The following TNMD variants were observed in gnomAD, a reference collection of about 807,000 sequenced individuals.
TNMD encodes the protein tenomodulin, also known as BRICHOS domain containing 4.
A neutral mutation model predicts 26.9 loss-of-function variants in TNMD; 15 were observed. The observed-to-expected ratio is 0.56, with a 90% CI of 0.37 to 0.86. The LOEUF (loss-of-function observed/expected upper bound fraction) is 0.86. Ranked by LOEUF, TNMD falls within the 40% of genes least tolerant of loss-of-function variation. The probability of loss-of-function intolerance (pLI) is 0.00; values close to 1 mark genes in which losing one functional copy is unlikely to be tolerated. For missense variants in TNMD, 222 were observed against 242.6 expected (o/e 0.92, Z 0.56); for synonymous variants, 73 against 77.0 (o/e 0.95, Z 0.27).
chrX:100,587,271 A>T (rs2082924764), intron 2 of TNMD, among the ~76,000 whole-genome samples: 1 of 112,179 alleles, frequency 8.9e-6, no homozygotes, highest in South Asian at 3.7e-4. Context: ...TTTACATCTC[A>T]TTCTAGTTCT....
At chrX:100,599,245 A>G (rs1240837792) in intron 6 of TNMD, 63 bp downstream of exon 6, 2 of 929,283 alleles carry the variant, frequency 2.2e-6, no homozygotes, top group African/African-American at 4.1e-5. Flanking sequence ...AAAACTTACT[A>G]CCCCTCAGAT....
chrX:100,591,470 C>T (rs1270243559), intron 2 of TNMD, among the ~76,000 whole-genome samples: 1 of 112,043 alleles, frequency 8.9e-6, no homozygotes, highest in Admixed American at 9.4e-5. Context: ...GCCAGTGAAG[C>T]TTGCATAGCC....
At chrX:100,587,363 G>A (rs1320714804) in intron 2 of TNMD, among the ~76,000 whole-genome samples, 1 of 112,194 alleles carries the variant, frequency 8.9e-6, no homozygotes, top group East Asian at 2.8e-4. Context: ...GAAGAGGTGG[G>A]ATATGCTGCT....
At chrX:100,585,176 G>A in intron 1 of TNMD, 55 bp from the exon 2 acceptor site, 1 of 1,189,187 alleles carries the variant, frequency 8.4e-7, no homozygotes, top group Non-Finnish European at 1.1e-6. Context: ...TTGAATTATG[G>A]CTTGCTTATT....
rs1165547784 is a variant in TNMD, at chrX:100,585,214, C to T, written c.49-17C>T. On this transcript the variant is annotated splice_polypyrimidine_tract_variant and intron_variant, in intron 1 of 6. Coordinates refer to ENST00000373031, the MANE Select transcript of TNMD (RefSeq NM_022144.3). The stretch of plus-strand genomic sequence containing the variant: ...GATTTATTGTGTATTGTTTTATTCT[C>T]TCTGTTCTTTGGTTAGGCAGAAGCT... 7.5e-6 allele frequency: 9 copies of T among 1,206,126 alleles called. No individual in the cohort carries two copies. The highest frequency in any genetic ancestry group is 7.8e-6 in the Non-Finnish European group (7 of 892,114).
At chrX:100,597,443 G>T (rs1484799545) in intron 4 of TNMD, 61 bp from the exon 5 acceptor site, 5 of 1,141,553 alleles carry the variant, frequency 4.4e-6, no homozygotes, top group Non-Finnish European at 4.8e-6. Context: ...ATCCCATAAT[G>T]TCTCACTTGT....
intron 5 of TNMD, 111 bp downstream of exon 5, chrX:100,597,768 T>C: frequency 1.2e-6 from 1 of 827,341 alleles, no homozygotes; most frequent in Middle Eastern, 4.2e-4. Context: ...GGTTTATATC[T>C]TCTTGGATGA....
Position 100,597,587 on chromosome X carries a change from T to C in TNMD, c.507T>C (p.Leu169=). 1 of 1,211,177 alleles carries C rather than the reference T, an allele frequency of 8.3e-7. No individual in the cohort carries two copies. Among genetic ancestry groups the C allele is most frequent in the Non-Finnish European group, 1.1e-6 (1 of 894,866 alleles). ...AEKPIENRDF[L]KNSKILEICD... ...AGCCTATTGAAAACCGAGATTTTCT[T>C]AAAAATTCCAAAATTCTGGAGATTT... Residue 169 remains leucine (L), a synonymous_variant, in exon 5 of 7, where the codon CTT becomes CTC. Transcript: ENST00000373031.
intron 2 of TNMD, among the ~76,000 whole-genome samples, chrX:100,589,697 C>T (rs56978446): frequency 0.014 from 1,544 of 111,433 alleles, 19 homozygotes; most frequent in African/African-American, 0.048. Context: ...TGGCAGTAGG[C>T]GTAGTCCAGT....
At chrX:100,595,309 G>C (rs1253938049) in intron 4 of TNMD, among the ~76,000 whole-genome samples, 1 of 110,511 alleles carries the variant, frequency 9.0e-6, no homozygotes, top group Non-Finnish European at 1.9e-5. Context: ...TAGTAGAGAC[G>C]GGGTTTCACC....
At chrX:100,599,291 CA>C (rs58182382) in intron 6 of TNMD, 109 bp downstream of exon 6, 38,841 of 546,625 alleles carry the variant, frequency 0.071, 21 homozygotes, top group Non-Finnish European at 0.075. Flanking sequence ...ATGGCTTTAA[CA>C]AAAAAAAAAA....
intron 2 of TNMD, chrX:100,593,677 G>C (rs956194553): frequency 5.7e-5 from 19 of 331,684 alleles, no homozygotes; most frequent in Non-Finnish European, 9.1e-5. Flanking sequence ...TTAACACAAG[G>C]GGAAAATACT....
At chrX:100,589,362 C>CAA (rs60496840) in intron 2 of TNMD, among the ~76,000 whole-genome samples, 23 of 60,917 alleles carry the variant, frequency 3.8e-4, no homozygotes, top group Admixed American at 6.0e-4. Context: ...TTGGCATTTT[C>CAA]AAAAAAAAAA....
At chrX:100,592,342 C>G (rs1052387228) in intron 2 of TNMD, among the ~76,000 whole-genome samples, 2 of 112,136 alleles carry the variant, frequency 1.8e-5, no homozygotes, top group African/African-American at 6.5e-5. Flanking sequence ...AATAACAAAC[C>G]TAAAGGAATT....
chrX:100,588,845 T>A (rs895672154), intron 2 of TNMD, among the ~76,000 whole-genome samples: 2 of 111,691 alleles, frequency 1.8e-5, no homozygotes, highest in Non-Finnish European at 3.8e-5. Context: ...ACATAGGAGC[T>A]GCCTGGTGAC....
At chrX:100,590,251 G>A (rs12057127) in intron 2 of TNMD, among the ~76,000 whole-genome samples, 1 of 111,631 alleles carries the variant, frequency 9.0e-6, no homozygotes, top group African/African-American at 3.3e-5. Context: ...CACCTTTGGA[G>A]AGTGTACCTC....
chrX:100,591,457 C>T (rs996372883), intron 2 of TNMD, among the ~76,000 whole-genome samples: 10 of 112,026 alleles, frequency 8.9e-5, no homozygotes, highest in East Asian at 2.8e-4. Flanking sequence ...AGTCTTCATA[C>T]GGGCCAGTGA....
Position 100,599,739 on chromosome X carries a change from C to T in TNMD, c.*22C>T. ...CTAATAGGAGGTTTGAGCTCAAATGCTTAAACTGCTGGCAACATATAATAA... is the reference window on the plus strand; with the variant it reads ...CTAATAGGAGGTTTGAGCTCAAATGTTTAAACTGCTGGCAACATATAATAA... On this transcript the variant is annotated 3_prime_UTR_variant, in exon 7 of 7. Coordinates refer to ENST00000373031, the MANE Select transcript of TNMD (RefSeq NM_022144.3). 8.5e-7 allele frequency: 1 copy of T among 1,179,738 alleles called. No individual in the cohort carries two copies.
intron 2 of TNMD, among the ~76,000 whole-genome samples, chrX:100,588,448 G>C (rs2082928325): frequency 9.0e-6 from 1 of 111,393 alleles, no homozygotes; most frequent in South Asian, 3.8e-4. Context: ...AGCCACCTGA[G>C]CTAAATGAAA....
Sources: gnomAD v4.1 joint callset for allele counts (sites outside exome capture counted in the v4.1 genomes callset) on GRCh38, gnomAD v4.1.1 for gene constraint, MANE v1.5 for transcripts, NCBI Gene and HGNC (gene_info 2026-07-23, HGNC 2026-07-21) for gene names.